Variants in FBXL17 observed in about 807,000 individuals in gnomAD.
The protein encoded by FBXL17 is F-box and leucine rich repeat protein 17.
FBXL17 carries 22 observed loss-of-function variants against 66.2 expected under a neutral mutation model. That is an observed-to-expected ratio of 0.33 (90% CI 0.24 to 0.47). The LOEUF is 0.47. Among genes scored for constraint, FBXL17 ranks in the 20% least tolerant of loss-of-function variants. The pLI is 1.00. For missense variants in FBXL17, 878 were observed against 948.2 expected (o/e 0.93, Z 0.97); for synonymous variants, 474 against 400.5 (o/e 1.18, Z -2.19).
intron 6 of FBXL17, among the ~76,000 whole-genome samples, chr5:108,087,447 A>C (rs1749015779): frequency 6.6e-6 from 1 of 152,078 alleles, no homozygotes; most frequent in Non-Finnish European, 1.5e-5. Flanking sequence ...CCAAAGCAGG[A>C]CACTCCAACA....
chr5:108,137,807 T>C (rs946671391), intron 6 of FBXL17, among the ~76,000 whole-genome samples: 7 of 152,104 alleles, frequency 4.6e-5, no homozygotes, highest in African/African-American at 1.7e-4. Flanking sequence ...ACCTCAAATG[T>C]TGGGATAAAG....
intron 4 of FBXL17, among the ~76,000 whole-genome samples, chr5:108,339,139 GA>G (rs1340107469): frequency 6.6e-6 from 1 of 152,010 alleles, no homozygotes; most frequent in African/African-American, 2.4e-5. Context: ...AAAAAAGAAA[GA>G]AAGAAAAAAA....
intron 8 of FBXL17, among the ~76,000 whole-genome samples, chr5:107,869,660 T>C (rs542037252): frequency 2.1e-4 from 32 of 152,328 alleles, no homozygotes; most frequent in African/African-American, 7.5e-4. Context: ...GGACTTCGCA[T>C]GTCCCTGTTT....
intron 4 of FBXL17, among the ~76,000 whole-genome samples, chr5:108,232,805 A>ATATAT (rs70996987): frequency 1.2e-4 from 13 of 105,144 alleles, no homozygotes; most frequent in South Asian, 3.3e-4. Context: ...ATATATATAT[A>ATATAT]ATATATACTA....
intron 7 of FBXL17, among the ~76,000 whole-genome samples, chr5:108,015,543 A>C (rs1754351184): frequency 6.6e-6 from 1 of 152,218 alleles, no homozygotes; most frequent in African/African-American, 2.4e-5. Context: ...CATTACATGT[A>C]ATGCATGCCT....
intron 8 of FBXL17, chr5:107,880,408 C>A (rs991444962): frequency 7.1e-6 from 7 of 986,984 alleles, no homozygotes; most frequent in Non-Finnish European, 8.4e-6. Flanking sequence ...AAGGGTCCCA[C>A]GTTAAATGCT....
At chr5:108,064,772 A>C (rs1372175482) in intron 6 of FBXL17, among the ~76,000 whole-genome samples, 1 of 152,190 alleles carries the variant, frequency 6.6e-6, no homozygotes, top group African/African-American at 2.4e-5. Context: ...GTTAGAACTA[A>C]AGGGCTTGGT....
chr5:107,984,689 G>C (rs1752952301), intron 7 of FBXL17, among the ~76,000 whole-genome samples: 1 of 152,100 alleles, frequency 6.6e-6, no homozygotes, highest in African/African-American at 2.4e-5. Context: ...ATTCCTACTT[G>C]TTTTGCACTG....
At chr5:107,913,035 G>C (rs939415137) in intron 7 of FBXL17, among the ~76,000 whole-genome samples, 3 of 152,090 alleles carry the variant, frequency 2.0e-5, no homozygotes, top group Non-Finnish European at 4.4e-5. Context: ...AAGATTATAA[G>C]TGCTTTAAAA....
intron 4 of FBXL17, among the ~76,000 whole-genome samples, chr5:108,232,793 A>ATACTATATGTGATATAG (rs1561478935): frequency 9.1e-6 from 1 of 109,788 alleles, no homozygotes; most frequent in Non-Finnish European, 2.0e-5. Context: ...ATATATATAT[A>ATACTATATGTGATATAG]TATATATATA....
intron 7 of FBXL17, among the ~76,000 whole-genome samples, chr5:107,898,372 C>A (rs1749452316): frequency 1.3e-5 from 2 of 152,194 alleles, no homozygotes; most frequent in African/African-American, 4.8e-5. Flanking sequence ...ACCCCTGAGA[C>A]AGAAAGACCA....
At chr5:108,284,721 A>T (rs938606304) in intron 4 of FBXL17, among the ~76,000 whole-genome samples, 2 of 151,914 alleles carry the variant, frequency 1.3e-5, no homozygotes, top group African/African-American at 4.8e-5. Flanking sequence ...AGTCCTAAAA[A>T]ATGCAAATGA....
At chr5:108,332,322 T>G (rs931597679) in intron 4 of FBXL17, among the ~76,000 whole-genome samples, 1 of 152,194 alleles carries the variant, frequency 6.6e-6, no homozygotes, top group Non-Finnish European at 1.5e-5. Context: ...AACCAACGAT[T>G]GTAACTAGTA....
intron 7 of FBXL17, among the ~76,000 whole-genome samples, chr5:108,003,830 A>G (rs1051697712): frequency 2.0e-5 from 3 of 152,092 alleles, no homozygotes; most frequent in Admixed American, 2.0e-4. Context: ...AGATTAATAG[A>G]TTAAAAATAT....
rs150073330 is a variant in FBXL17, at chr5:108,019,899, G to A, written c.1822+1026C>T. Among the ~76,000 whole-genome samples, 840 of 151,558 alleles carry A rather than the reference G, an allele frequency of 5.5e-3. 6 individuals carry two copies. The highest frequency in any genetic ancestry group is 0.019 in the African/African-American group (807 of 41,404). On this transcript the variant is annotated intron_variant, in intron 7 of 8. Coordinates refer to ENST00000542267, the MANE Select transcript of FBXL17 (RefSeq NM_001163315.3). The stretch of plus-strand genomic sequence containing the variant: ...AAACATTATAAGACATATTCTCCAA[G>A]ATAAACTGAAATTAGGTGTGTTTCT...
At chr5:108,003,083 AAAGTT>A (rs1270443780) in intron 7 of FBXL17, among the ~76,000 whole-genome samples, 1 of 152,248 alleles carries the variant, frequency 6.6e-6, no homozygotes, top group Non-Finnish European at 1.5e-5. Context: ...GTAAATGTAA[AAAGTT>A]AAGGACCCAA....
intron 8 of FBXL17, among the ~76,000 whole-genome samples, chr5:107,869,095 C>T (rs1748371077): frequency 6.6e-6 from 1 of 152,232 alleles, no homozygotes; most frequent in South Asian, 2.1e-4. Context: ...AAATAGCACA[C>T]TCAGCGCCTG....
At position 107,930,087 on chromosome 5, in the gene FBXL17, C is replaced by T. The variant is rs186804314; in HGVS notation, c.1823-48908G>A. On this transcript the variant is annotated intron_variant, in intron 7 of 8. Transcript: ENST00000542267. Reference sequence around the variant, plus strand: ...TTCCTATCCCCAACCATTCTGTACACAGCCGCCAAAGTAAATTTTTCAAAC... The same window carrying T: ...TTCCTATCCCCAACCATTCTGTACATAGCCGCCAAAGTAAATTTTTCAAAC... Among the ~76,000 whole-genome samples the T allele has an allele frequency of 1.5e-3, 232 of 152,268 alleles. 1 individual carries two copies. Among genetic ancestry groups the T allele is most frequent in the African/African-American group, 5.0e-3 (208 of 41,578 alleles).
At chr5:108,239,558 G>T (rs1205326239) in intron 4 of FBXL17, among the ~76,000 whole-genome samples, 1 of 152,198 alleles carries the variant, frequency 6.6e-6, no homozygotes, top group Non-Finnish European at 1.5e-5. Flanking sequence ...GTCAAAACCT[G>T]AGTTTTGGCA....
Sources: allele counts gnomAD v4.1 joint callset (sites outside exome capture counted in the v4.1 genomes callset), GRCh38; gene constraint gnomAD v4.1.1; transcripts MANE v1.5; gene names NCBI Gene and HGNC (gene_info 2026-07-23, HGNC 2026-07-21).